The following OR9Q1 variants were observed in gnomAD, a reference collection of about 807,000 sequenced individuals.
The protein encoded by OR9Q1 is olfactory receptor 9Q1.
For missense variants in OR9Q1, 374 were observed against 378.8 expected (o/e 0.99, Z 0.11); for synonymous variants, 153 against 148.6 (o/e 1.03, Z -0.22).
intron 2 of OR9Q1, among the ~76,000 whole-genome samples, chr11:58,151,047 A>G (rs1854346097): frequency 6.6e-6 from 1 of 152,062 alleles, no homozygotes. Flanking sequence ...TTTAGCCTTT[A>G]TGTTTAGGTA....
At chr11:58,150,134 A>G (rs1565090939) in intron 2 of OR9Q1, among the ~76,000 whole-genome samples, 1 of 152,078 alleles carries the variant, frequency 6.6e-6, no homozygotes, top group African/African-American at 2.4e-5. Flanking sequence ...CTTGTTTCCC[A>G]TTTTTTTGGT....
chr11:58,140,483 C>A (rs1005106292), intron 2 of OR9Q1, among the ~76,000 whole-genome samples: 5 of 152,090 alleles, frequency 3.3e-5, no homozygotes, highest in Non-Finnish European at 7.4e-5. Flanking sequence ...AGGAAGGAAT[C>A]CAGTTTCAGC....
At chr11:58,123,088 A>C (rs902795882) in intron 2 of OR9Q1, among the ~76,000 whole-genome samples, 3 of 152,232 alleles carry the variant, frequency 2.0e-5, no homozygotes, top group African/African-American at 7.2e-5. Flanking sequence ...CCCTTTAAGC[A>C]GATATTATGA....
intron 2 of OR9Q1, among the ~76,000 whole-genome samples, chr11:58,080,978 C>T (rs549169400): frequency 6.6e-6 from 1 of 152,054 alleles, no homozygotes; most frequent in Admixed American, 6.6e-5. Context: ...GTCCCCCACC[C>T]CCCGACAGGA....
intron 2 of OR9Q1, among the ~76,000 whole-genome samples, chr11:58,152,678 G>A (rs1854364953): frequency 6.6e-6 from 1 of 152,068 alleles, no homozygotes. Context: ...CATTTATGAT[G>A]CTTTTAGGCT....
At chr11:58,111,128 T>C (rs1853895448) in intron 2 of OR9Q1, among the ~76,000 whole-genome samples, 1 of 152,146 alleles carries the variant, frequency 6.6e-6, no homozygotes, top group Non-Finnish European at 1.5e-5. Flanking sequence ...ACAACTCCAC[T>C]AATGTGTGGA....
At chr11:58,038,234 C>G (rs566603447) in intron 1 of OR9Q1, among the ~76,000 whole-genome samples, 36 of 152,168 alleles carry the variant, frequency 2.4e-4, no homozygotes, top group African/African-American at 7.0e-4. Context: ...ACCAGTCCTA[C>G]CTACAAGAAT....
chr11:58,119,018 T>C (rs1853993831), intron 2 of OR9Q1: 1 of 1,613,794 alleles, frequency 6.2e-7, no homozygotes, highest in Non-Finnish European at 8.5e-7. Context: ...ACCACCAGGC[T>C]CCAGCAGAGC....
Position 58,030,877 on chromosome 11 carries a change from C to T in OR9Q1, c.-93+6773C>T, listed in dbSNP as rs1590542909. 1.4e-5 allele frequency: 12 copies of T among 881,578 alleles called. No homozygotes were observed. In the East Asian group the frequency reaches 2.7e-4, roughly 20 times the overall value. The allele number at this position is 881,578 out of a possible 1,614,324, so 54.6% of individuals were successfully genotyped here. On this transcript the variant is annotated intron_variant, in intron 1 of 2. Transcript: ENST00000335397. ...AGTGAAAGGCATTTTAGTACAACAT[C>T]CTCCAACCTCACAGGTTCTCTTTGA...
chr11:58,048,772 C>T (rs34011141), intron 1 of OR9Q1, among the ~76,000 whole-genome samples: 5,099 of 132,334 alleles, frequency 0.039, 366 homozygotes, highest in African/African-American at 0.13. Context: ...ATATCACCAC[C>T]GATCCCACAG....
intron 2 of OR9Q1, among the ~76,000 whole-genome samples, chr11:58,108,304 A>G (rs562110747): frequency 6.6e-6 from 1 of 152,310 alleles, no homozygotes; most frequent in South Asian, 2.1e-4. Flanking sequence ...ATAATTTTCT[A>G]CAAAGAGTAA....
rs549611359 is a variant in OR9Q1, at chr11:58,162,490, T to C, written c.-14-16941T>C. ...GCTGTCTATGCCACGCTATGGTAGT[T>C]GGAAGAAAACCTTTCTGGGTCTTTG... On this transcript the variant is annotated intron_variant, in intron 2 of 2. Coordinates refer to ENST00000335397, the MANE Select transcript of OR9Q1 (RefSeq NM_001005212.4). 2.0e-5 allele frequency among the ~76,000 whole-genome samples: 3 copies of C among 152,264 alleles called. No individual in the cohort carries two copies. The East Asian group carries it at 5.8e-4, about 29-fold the overall frequency.
intron 2 of OR9Q1, among the ~76,000 whole-genome samples, chr11:58,164,878 G>T (rs1299387218): frequency 6.6e-6 from 1 of 152,122 alleles, no homozygotes; most frequent in Non-Finnish European, 1.5e-5. Context: ...CCTTGCATTT[G>T]CTGTTCCCTC....
At chr11:58,155,547 T>C (rs1482603458) in intron 2 of OR9Q1, among the ~76,000 whole-genome samples, 1 of 152,196 alleles carries the variant, frequency 6.6e-6, no homozygotes, top group African/African-American at 2.4e-5. Context: ...TGCCTCACCC[T>C]GGTCCTGGCC....
At chr11:58,031,213 T>C in intron 1 of OR9Q1, 2 of 1,614,172 alleles carry the variant, frequency 1.2e-6, no homozygotes, top group Non-Finnish European at 1.7e-6. Flanking sequence ...TGGCTGGTTT[T>C]ATTGGGGTGG....
intron 2 of OR9Q1, among the ~76,000 whole-genome samples, chr11:58,070,549 G>T (rs569599387): frequency 6.6e-6 from 1 of 152,076 alleles, no homozygotes; most frequent in Non-Finnish European, 1.5e-5. Flanking sequence ...TTGGTTTCCC[G>T]CAGGCTCCTC....
chr11:58,132,647 C>CATCA (rs1425083877), intron 2 of OR9Q1, among the ~76,000 whole-genome samples: 1 of 152,166 alleles, frequency 6.6e-6, no homozygotes, highest in African/African-American at 2.4e-5. Context: ...CAGAAAGGGT[C>CATCA]ACCTTGGGTT....
chr11:58,037,788 G>A (rs1316577716), intron 1 of OR9Q1, among the ~76,000 whole-genome samples: 2 of 130,358 alleles, frequency 1.5e-5, no homozygotes, highest in Admixed American at 8.6e-5. Context: ...GCGCGATCTC[G>A]GCTCACTGCA....
chr11:58,116,510 A>C (rs1053707341), intron 2 of OR9Q1, among the ~76,000 whole-genome samples: 5 of 152,146 alleles, frequency 3.3e-5, no homozygotes, highest in African/African-American at 9.7e-5. Context: ...CATAGTTTTA[A>C]ATTCTTGCTA....
Sources: allele counts gnomAD v4.1 joint callset (sites outside exome capture counted in the v4.1 genomes callset), GRCh38; gene constraint gnomAD v4.1.1; transcripts MANE v1.5; gene names NCBI Gene and HGNC (gene_info 2026-07-23, HGNC 2026-07-21).